Variants in PTPRN2 observed in about 807,000 individuals in gnomAD.
PTPRN2 encodes the protein protein tyrosine phosphatase receptor type N2.
PTPRN2 carries 74 observed loss-of-function variants against 118.8 expected under a neutral mutation model. The ratio of observed to expected loss-of-function variants is 0.62; its 90% confidence interval spans 0.52 to 0.76. The LOEUF (loss-of-function observed/expected upper bound fraction) is 0.76. PTPRN2 is among the 30% of genes least tolerant of loss of function. The probability of loss-of-function intolerance (pLI) is 0.00; values close to 1 mark genes in which losing one functional copy is unlikely to be tolerated. For missense variants in PTPRN2, 1,481 were observed against 1,394.4 expected, an observed-to-expected ratio of 1.06 and a Z score of -0.99; for synonymous variants, 641 against 608.0, an observed-to-expected ratio of 1.05 and a Z score of -0.80.
At chr7:157,895,438 T>C (rs1317754624) in intron 12 of PTPRN2, among the ~76,000 whole-genome samples, 1 of 151,758 alleles carries the variant, frequency 6.6e-6, no homozygotes, top group Non-Finnish European at 1.5e-5. Flanking sequence ...CCAGAGGATC[T>C]GGACGAGACC....
intron 17 of PTPRN2, among the ~76,000 whole-genome samples, chr7:157,589,474 GCTAT>G (rs1460294212): frequency 1.3e-5 from 2 of 151,366 alleles, no homozygotes; most frequent in Non-Finnish European, 2.9e-5. Flanking sequence ...CTAGAGAAAG[GCTAT>G]CTGACAGGTA....
Position 157,850,163 on chromosome 7 carries a change from C to T in PTPRN2, c.1788+48510G>A, listed in dbSNP as rs1262428188. ...TTATCCCCTCTCCACCCAACACCAG[C>T]ATTTCCAGGCCTTTGAGGAACTGGG... On this transcript the variant is annotated intron_variant, in intron 12 of 22. Coordinates refer to ENST00000389418, the MANE Select transcript of PTPRN2 (RefSeq NM_002847.5). Among the ~76,000 whole-genome samples the T allele has an allele frequency of 2.0e-5, 3 of 152,356 alleles. No homozygotes were observed. The South Asian group carries it at 6.2e-4, about 32-fold the overall frequency.
At chr7:158,189,014 C>T (rs1406036144) in intron 5 of PTPRN2, among the ~76,000 whole-genome samples, 1 of 152,188 alleles carries the variant, frequency 6.6e-6, no homozygotes, top group Non-Finnish European at 1.5e-5. Context: ...GGCATCCTGT[C>T]TCTGGCAGGA....
intron 2 of PTPRN2, among the ~76,000 whole-genome samples, chr7:158,386,513 T>A (rs1811395225): frequency 6.6e-6 from 1 of 152,172 alleles, no homozygotes; most frequent in Non-Finnish European, 1.5e-5. Flanking sequence ...GGGTATGCAC[T>A]TTTCCAGGTA....
chr7:158,245,161 T>A (rs1160580799), intron 3 of PTPRN2, among the ~76,000 whole-genome samples: 1 of 151,616 alleles, frequency 6.6e-6, no homozygotes, highest in African/African-American at 2.4e-5. Flanking sequence ...TCCGTGGCCA[T>A]GCCGGAATCC....
intron 11 of PTPRN2, among the ~76,000 whole-genome samples, chr7:158,023,178 A>G (rs1161320869): frequency 6.6e-6 from 1 of 152,200 alleles, no homozygotes; most frequent in East Asian, 1.9e-4. Flanking sequence ...ACCTAAGCCC[A>G]TGTCGACAAG....
At chr7:158,345,512 A>T (rs1807442886) in intron 2 of PTPRN2, among the ~76,000 whole-genome samples, 1 of 152,166 alleles carries the variant, frequency 6.6e-6, no homozygotes, top group Admixed American at 6.5e-5. Flanking sequence ...CCCAGGTAGA[A>T]GGAGACAGGG....
At chr7:157,636,646 A>G (rs1011948663) in intron 14 of PTPRN2, among the ~76,000 whole-genome samples, 1 of 152,270 alleles carries the variant, frequency 6.6e-6, no homozygotes, top group Non-Finnish European at 1.5e-5. Context: ...TATCAAACAC[A>G]AAGTTTACTA....
chr7:157,968,488 T>C (rs1057051215), intron 11 of PTPRN2, among the ~76,000 whole-genome samples: 4 of 152,180 alleles, frequency 2.6e-5, no homozygotes, highest in African/African-American at 9.7e-5. Context: ...AGTTTCTGGG[T>C]CTCGGGGTTG....
At chr7:158,541,308 T>C in intron 1 of PTPRN2, 1 of 571,256 alleles carries the variant, frequency 1.8e-6, no homozygotes, top group Non-Finnish European at 2.7e-6. Flanking sequence ...AACTCTGGGC[T>C]GTGGTGGCAT....
intron 11 of PTPRN2, among the ~76,000 whole-genome samples, chr7:158,071,453 GGTTGAGGTGCTC>G (rs1811622669): frequency 5.2e-5 from 4 of 76,488 alleles, no homozygotes; most frequent in Admixed American, 1.3e-4. Context: ...AGGTGCTCGT[GGTTGAGGTGCTC>G]GTGGTGGTGG....
intron 12 of PTPRN2, among the ~76,000 whole-genome samples, chr7:157,689,967 T>C (rs564505804): frequency 2.6e-4 from 40 of 152,280 alleles, no homozygotes; most frequent in African/African-American, 9.4e-4. Flanking sequence ...CTGGCGCCTC[T>C]CCATCCTGGC....
intron 2 of PTPRN2, among the ~76,000 whole-genome samples, chr7:158,341,827 ACG>A (rs1806884396): frequency 8.5e-6 from 1 of 117,358 alleles, no homozygotes; most frequent in African/African-American, 3.8e-5. Flanking sequence ...ACACCAGCAG[ACG>A]TCACTCACAC....
rs1260269474 is a variant in PTPRN2 at position 157,944,473 on chromosome 7, C to A, written c.1724-45736G>T. Among the ~76,000 whole-genome samples the A allele has an allele frequency of 6.6e-6, 1 of 152,202 alleles. No individual in the cohort carries two copies. Among genetic ancestry groups the A allele is most frequent in the South Asian group, 2.1e-4 (1 of 4,830 alleles). ...AAACCTAAGTTTGTGAGAAAAGGAT[C>A]TATTGGAAAATTCTTCTTTTTAAAA... On this transcript the variant is annotated intron_variant, in intron 11 of 22. Transcript: ENST00000389418. This position sits in a 1 kb window ranked among gnomAD's most constrained non-coding sequence, Gnocchi z 4.3.
In PTPRN2 at chr7:157,995,006, T is replaced by C. The variant is rs4716524; in HGVS notation, c.1723+86292A>G. 1.8e-4 allele frequency among the ~76,000 whole-genome samples: 2 copies of C among 11,330 alleles called. 1 individual carries two copies. The highest frequency in any genetic ancestry group is 2.2e-3 in the Admixed American group (2 of 898). The allele number at this position is 11,330 out of a possible 152,430, so 7.4% of individuals were successfully genotyped here. A position where few individuals can be genotyped will look rare whatever the true frequency, so the allele number is the denominator to read the frequency against. ...CTCCTGGTTCCTAAAATCAACGCCG[T>C]GTCCCCAGCTTACAGCTCCTTGTTC... On this transcript the variant is annotated intron_variant, in intron 11 of 22. Transcript: ENST00000389418.
intron 12 of PTPRN2, among the ~76,000 whole-genome samples, chr7:157,746,466 C>T (rs545885380): frequency 9.5e-5 from 14 of 147,194 alleles, no homozygotes; most frequent in African/African-American, 3.3e-4. Context: ...ACAGTACTCA[C>T]GGGGCCCTGA....
intron 12 of PTPRN2, among the ~76,000 whole-genome samples, chr7:157,871,046 T>C (rs1342617475): frequency 1.3e-5 from 2 of 152,204 alleles, no homozygotes. Flanking sequence ...CGCTAGGCCA[T>C]GAGCTGCACA....
chr7:157,783,737 C>G (rs535036034), intron 12 of PTPRN2, among the ~76,000 whole-genome samples: 39 of 152,008 alleles, frequency 2.6e-4, no homozygotes, highest in Non-Finnish European at 4.4e-4. Flanking sequence ...CCGCCCCACT[C>G]CCACTTACTC....
intron 12 of PTPRN2, among the ~76,000 whole-genome samples, chr7:157,699,635 C>T (rs111838446): frequency 6.6e-6 from 1 of 152,128 alleles, no homozygotes; most frequent in Non-Finnish European, 1.5e-5. Context: ...GCCATCTTGG[C>T]CAGGCTGTTC....
Sources: allele counts gnomAD v4.1 joint callset (sites outside exome capture counted in the v4.1 genomes callset), GRCh38; gene constraint gnomAD v4.1.1; non-coding constraint Gnocchi (gnomAD v3.1); transcripts MANE v1.5; gene names NCBI Gene and HGNC (gene_info 2026-07-23, HGNC 2026-07-21).